XPO4: variants seen among roughly 807,000 people sequenced by gnomAD.
The protein encoded by XPO4 is exportin-4.
In XPO4, 39 loss-of-function variants were observed where a neutral mutation model predicts 143.0. The observed-to-expected ratio is 0.27, with a 90% confidence interval of 0.21 to 0.36. The LOEUF is 0.36. Ranked by LOEUF, XPO4 falls within the 10% of genes least tolerant of loss-of-function variation. The pLI, the probability that XPO4 is intolerant of heterozygous loss-of-function variation, is 1.00. For missense variants in XPO4, 907 were observed against 1,348.0 expected (o/e 0.67, Z 5.12); for synonymous variants, 439 against 474.0 (o/e 0.93, Z 0.96).
intron 1 of XPO4, among the ~76,000 whole-genome samples, chr13:20,894,599 G>C (rs57063435): frequency 1.3e-5 from 2 of 151,940 alleles, no homozygotes; most frequent in Admixed American, 1.3e-4. Flanking sequence ...CCAGCACTTT[G>C]GGAGGCCAAG....
intron 4 of XPO4, chr13:20,849,052 G>A (rs1595128150): frequency 1.0e-5 from 10 of 985,278 alleles, no homozygotes; most frequent in Non-Finnish European, 1.1e-5. Context: ...GAGATAGCTT[G>A]CCTTACTCAC....
intron 4 of XPO4, chr13:20,848,572 T>C: frequency 4.1e-6 from 4 of 985,402 alleles, no homozygotes; most frequent in Non-Finnish European, 4.8e-6. Context: ...ATTTCAGCTT[T>C]ATTCTATTCC....
intron 9 of XPO4, among the ~76,000 whole-genome samples, chr13:20,819,575 G>A (rs1396432968): frequency 1.3e-5 from 2 of 152,112 alleles, no homozygotes; most frequent in East Asian, 1.9e-4. Flanking sequence ...CAGAAGAATC[G>A]CTTGAACCTG....
At chr13:20,784,788 T>A (rs1217652403) in intron 22 of XPO4, among the ~76,000 whole-genome samples, 1 of 152,130 alleles carries the variant, frequency 6.6e-6, no homozygotes, top group Non-Finnish European at 1.5e-5. Context: ...ACAAAAAATT[T>A]AAAAATTAGG....
chr13:20,779,139 A>G lies in XPO4; in HGVS notation c.*4583T>C, dbSNP rs542951710. 6.6e-5 allele frequency: 10 copies of G among 152,326 alleles called. No individual in the cohort carries two copies. The highest frequency in any genetic ancestry group is 1.3e-4 in the Non-Finnish European group (9 of 68,030). The allele number at this position is 152,326 out of a possible 1,614,324, so 9.4% of individuals were successfully genotyped here. A position where few individuals can be genotyped will look rare whatever the true frequency, so the allele number is the denominator to read the frequency against. Reference sequence around the variant, plus strand: ...ACTGAAAAGTCTTAGTGTAAGTTTAAAATTTTAATATTTATAAATTTAAAA... The same window carrying G: ...ACTGAAAAGTCTTAGTGTAAGTTTAGAATTTTAATATTTATAAATTTAAAA... On this transcript the variant is annotated 3_prime_UTR_variant, in exon 23 of 23. Transcript: ENST00000255305.
At chr13:20,837,307 TGTCTCAAGACACCACCAAATG>T (rs2059927883) in intron 6 of XPO4, among the ~76,000 whole-genome samples, 1 of 152,214 alleles carries the variant, frequency 6.6e-6, no homozygotes, top group East Asian at 1.9e-4. Flanking sequence ...CAATCCAAAT[TGTCTCAAGACACCACCAAATG>T]TCCCAAGTAT....
intron 7 of XPO4, among the ~76,000 whole-genome samples, chr13:20,826,800 C>T (rs9509387): frequency 0.026 from 3,904 of 152,190 alleles, 72 homozygotes; most frequent in Non-Finnish European, 0.038. Context: ...CTTTGGAGTT[C>T]TCAATAAATT....
rs950146471 is a variant in XPO4, at chr13:20,843,802, C to G, written c.541G>C (p.Glu181Gln). The G allele has an allele frequency of 6.2e-6, 10 of 1,613,254 alleles. No homozygotes were observed. The highest frequency in any genetic ancestry group is 8.5e-6 in the Non-Finnish European group (10 of 1,179,716). Residue 181 changes from glutamate to glutamine, a missense_variant, in exon 5 of 23, where the codon GAA becomes CAA. Glu to Gln is a conservative substitution (Grantham distance 29, BLOSUM62 2). Transcript: ENST00000255305. ...ACTCTTTTGCAGTTACCATGGAATT[C>G]CATGCTCAATCCAATGTTGCTAGTT... ...SKTSNIGLSM[E>Q]FHGNCKRVFQ...
chr13:20,893,728 G>A (rs1181715468), intron 1 of XPO4, among the ~76,000 whole-genome samples: 2 of 129,272 alleles, frequency 1.5e-5, no homozygotes, highest in African/African-American at 5.7e-5. Flanking sequence ...CGTGCATTGC[G>A]CCACTGCACT....
chr13:20,900,876 T>G (rs570836379), intron 1 of XPO4, among the ~76,000 whole-genome samples: 7 of 152,152 alleles, frequency 4.6e-5, no homozygotes, highest in Non-Finnish European at 7.4e-5. Context: ...CCTCCCAAAG[T>G]GCTGGGATTA....
At chr13:20,832,390 T>A (rs1437424051) in intron 6 of XPO4, among the ~76,000 whole-genome samples, 1 of 152,194 alleles carries the variant, frequency 6.6e-6, no homozygotes, top group Non-Finnish European at 1.5e-5. Flanking sequence ...TGATTGTGAA[T>A]GACACTCAAA....
In XPO4 at chr13:20,902,722, AGC is replaced by A. The variant is rs1173223419; in HGVS notation, c.15_16del (p.Leu6GlyfsTer14). ...CTGAGCGATCACTTCTGGGGGCCCCAGCGCCGCCGCCATCATGGTCTCTCTTC... is the reference window on the plus strand; with the variant it reads ...CTGAGCGATCACTTCTGGGGGCCCCAGCCGCCGCCATCATGGTCTCTCTTC... On this transcript the variant is annotated frameshift_variant, in exon 1 of 23. Transcript: ENST00000255305. LOFTEE classifies it high-confidence loss of function. 40 of 1,557,876 alleles carry A rather than the reference AGC, an allele frequency of 2.6e-5. No individual in the cohort carries two copies. Among genetic ancestry groups the A allele is most frequent in the Non-Finnish European group, 3.4e-5 (39 of 1,151,132 alleles).
chr13:20,895,168 A>T (rs1254033713), intron 1 of XPO4, among the ~76,000 whole-genome samples: 2 of 152,070 alleles, frequency 1.3e-5, no homozygotes, highest in Non-Finnish European at 2.9e-5. Context: ...ACAGAGTGAG[A>T]CTCCATCTCA....
chr13:20,892,784 TA>T (rs1489630316), intron 1 of XPO4, among the ~76,000 whole-genome samples: 1 of 151,328 alleles, frequency 6.6e-6, no homozygotes, highest in Non-Finnish European at 1.5e-5. Flanking sequence ...CTCGGGAGGC[TA>T]AAGGGGGAGG....
At chr13:20,854,326 G>T (rs2060120271) in intron 4 of XPO4, among the ~76,000 whole-genome samples, 1 of 152,080 alleles carries the variant, frequency 6.6e-6, no homozygotes, top group Non-Finnish European at 1.5e-5. Flanking sequence ...GAAAAGTGAT[G>T]GACAGGAAGG....
chr13:20,794,992 C>T (rs889244183), intron 18 of XPO4, among the ~76,000 whole-genome samples: 4 of 143,280 alleles, frequency 2.8e-5, no homozygotes, highest in Non-Finnish European at 4.6e-5. Flanking sequence ...TTGGAAAAAC[C>T]GTTGCCCAAG....
chr13:20,900,436 A>G (rs2060609638), intron 1 of XPO4, among the ~76,000 whole-genome samples: 1 of 152,144 alleles, frequency 6.6e-6, no homozygotes. Context: ...TACTGGAGAT[A>G]AAAAGTAATA....
In XPO4 at chr13:20,856,889, C is replaced by A. The variant is rs180714212; in HGVS notation, c.318-1124G>T. 12 of 985,450 alleles carry A rather than the reference C, an allele frequency of 1.2e-5. No homozygotes were observed. The African/African-American group carries it at 1.7e-4, about 14-fold the overall frequency. 61.0% of individuals were successfully genotyped at this position (985,450 alleles called of 1,614,324 possible). On this transcript the variant is annotated intron_variant, in intron 3 of 22. Coordinates refer to ENST00000255305, the MANE Select transcript of XPO4 (RefSeq NM_022459.5). The stretch of plus-strand genomic sequence containing the variant: ...GTTATTACTAAGGGCTCCCACGGCA[C>A]CCTCACATGACAGGACATATCTGTT...
At chr13:20,829,318 C>T (rs1215297142) in intron 6 of XPO4, among the ~76,000 whole-genome samples, 2 of 152,104 alleles carry the variant, frequency 1.3e-5, no homozygotes, top group African/African-American at 4.8e-5. Flanking sequence ...AGTTTTATTT[C>T]TCTTTATTTT....
Sources: allele counts gnomAD v4.1 joint callset (sites outside exome capture counted in the v4.1 genomes callset), GRCh38; gene constraint gnomAD v4.1.1; transcripts MANE v1.5; gene names NCBI Gene and HGNC (gene_info 2026-07-23, HGNC 2026-07-21).